MAP4K1: variants seen among roughly 807,000 people sequenced by gnomAD.
MAP4K1 encodes mitogen-activated protein kinase kinase kinase kinase 1, also known as MAPK/ERK kinase kinase kinase 1.
MAP4K1 carries 35 observed loss-of-function variants against 122.8 expected under a neutral mutation model. That is an observed-to-expected ratio of 0.29 (90% CI 0.22 to 0.38). The LOEUF is 0.38. MAP4K1 is among the 10% of genes least tolerant of loss of function. MAP4K1 has a pLI of 1.00. For missense variants in MAP4K1, 791 were observed against 1,072.6 expected (o/e 0.74, Z 3.67); for synonymous variants, 412 against 421.3 (o/e 0.98, Z 0.27).
intron 16 of MAP4K1, 68 bp downstream of exon 16, chr19:38,607,796 A>G (rs1193417330): frequency 5.2e-6 from 8 of 1,547,338 alleles, no homozygotes; most frequent in Non-Finnish European, 1.8e-6. Flanking sequence ...GAAAGGCCAC[A>G]TCAGGGGATT....
intron 27 of MAP4K1, 47 bp from the exon 28 acceptor site, chr19:38,595,776 G>A (rs771351612): frequency 1.2e-4 from 189 of 1,518,560 alleles, no homozygotes; most frequent in Non-Finnish European, 1.6e-4. Flanking sequence ...AGGCTTAGAG[G>A]GTTACTAAGG....
chr19:38,607,009 G>T (rs1244379436), intron 16 of MAP4K1, among the ~76,000 whole-genome samples: 1 of 152,142 alleles, frequency 6.6e-6, no homozygotes, highest in Non-Finnish European at 1.5e-5. Flanking sequence ...AGGTGCCAAG[G>T]TTCAGCCTGA....
intron 16 of MAP4K1, among the ~76,000 whole-genome samples, chr19:38,606,549 A>C (rs1975335240): frequency 6.6e-6 from 1 of 152,114 alleles, no homozygotes; most frequent in Non-Finnish European, 1.5e-5. Context: ...GCAGCTACTC[A>C]GGAGGCTGAG....
intron 22 of MAP4K1, among the ~76,000 whole-genome samples, chr19:38,598,685 G>A (rs539546235): frequency 6.6e-6 from 1 of 152,108 alleles, no homozygotes; most frequent in Non-Finnish European, 1.5e-5. Context: ...TATGGAATAA[G>A]TTCTGATTGT....
chr19:38,605,213 G>T (rs1470424942), intron 19 of MAP4K1, among the ~76,000 whole-genome samples, 196 bp downstream of exon 19: 1 of 152,006 alleles, frequency 6.6e-6, no homozygotes, highest in Non-Finnish European at 1.5e-5. Flanking sequence ...TGAAATGGGG[G>T]ATAACATCTC....
chr19:38,595,249 A>G (rs1974838095), intron 29 of MAP4K1, among the ~76,000 whole-genome samples: 1 of 152,126 alleles, frequency 6.6e-6, no homozygotes, highest in Non-Finnish European at 1.5e-5. Flanking sequence ...GGATCGCACC[A>G]CTGCACTCCA....
chr19:38,598,326 C>T (rs1043734402), intron 22 of MAP4K1, among the ~76,000 whole-genome samples: 1 of 151,174 alleles, frequency 6.6e-6, no homozygotes, highest in Non-Finnish European at 1.5e-5. Context: ...CCACCGCACC[C>T]GGCCTATTTA....
chr19:38,616,103 T>C, intron 4 of MAP4K1, 92 bp downstream of exon 4: 1 of 863,620 alleles, frequency 1.2e-6, no homozygotes, highest in Non-Finnish European at 1.8e-6. Flanking sequence ...TCCTGTGAGA[T>C]ACACACACAG....
At chr19:38,613,838 G>C in intron 8 of MAP4K1, 42 bp downstream of exon 8, 1 of 1,512,522 alleles carries the variant, frequency 6.6e-7, no homozygotes, top group Non-Finnish European at 9.0e-7. Context: ...AAAAACCACT[G>C]ACCCCCACTC....
chr19:38,590,777 C>T (rs1300031914), intron 30 of MAP4K1, among the ~76,000 whole-genome samples: 1 of 151,824 alleles, frequency 6.6e-6, no homozygotes, highest in Non-Finnish European at 1.5e-5. Flanking sequence ...ACCTGGCCAA[C>T]TGGTGAAATT....
chr19:38,601,504 A>G lies in MAP4K1; in HGVS notation c.1468T>C (p.Leu490=), dbSNP rs199685763. 1.5e-5 allele frequency: 24 copies of G among 1,608,636 alleles called. No individual in the cohort carries two copies. In the East Asian group the frequency reaches 4.7e-4, roughly 31 times the overall value. The change falls in exon 20 of 31, where the codon TTG becomes CTG. Residue 490 remains leucine, a synonymous_variant. Transcript: ENST00000396857. ...ATCCGGAGGGGGCAGCCATTGAACA[A>G]CTTTACGAGAAGGGCACATCCCTGG... The part of the protein sequence containing the change: ...KRKGCALLVK[L]FNGCPLRIHS...
intron 19 of MAP4K1, among the ~76,000 whole-genome samples, chr19:38,603,373 CATAT>C (rs1384044671): frequency 6.6e-6 from 1 of 150,476 alleles, no homozygotes; most frequent in Non-Finnish European, 1.5e-5. Context: ...CACACATATA[CATAT>C]ATACACATGT....
intron 19 of MAP4K1, among the ~76,000 whole-genome samples, chr19:38,603,273 TAC>T (rs1419984798): frequency 6.8e-6 from 1 of 146,892 alleles, no homozygotes; most frequent in Non-Finnish European, 1.5e-5. Context: ...TATACATATA[TAC>T]ACATACATAT....
chr19:38,602,785 CATAT>C (rs1004316699), intron 19 of MAP4K1, among the ~76,000 whole-genome samples: 1 of 140,066 alleles, frequency 7.1e-6, no homozygotes, highest in Non-Finnish European at 1.5e-5. Flanking sequence ...TACACATATA[CATAT>C]ATACACACAT....
At chr19:38,599,572 G>C (rs1488940155) in intron 22 of MAP4K1, among the ~76,000 whole-genome samples, 1 of 152,022 alleles carries the variant, frequency 6.6e-6, no homozygotes, top group Non-Finnish European at 1.5e-5. Flanking sequence ...TGAGGCATGA[G>C]AATCACTTGA....
intron 30 of MAP4K1, among the ~76,000 whole-genome samples, chr19:38,592,917 C>CAATA (rs144296421): frequency 0.012 from 1,867 of 151,244 alleles, 27 homozygotes; most frequent in African/African-American, 0.032. Context: ...AACTCCATCT[C>CAATA]AATAAATAAA....
chr19:38,605,498 G>A lies in MAP4K1; in HGVS notation c.1364-7C>T. ...GGGTTCCAGAGTGAGGGTTCTGAGA[G>A]GGGTTAGGAGAAAATCAGCCCCCAA... On this transcript the variant is annotated splice_region_variant and splice_polypyrimidine_tract_variant and intron_variant, in intron 18 of 30. Transcript: ENST00000396857. 1.3e-6 allele frequency: 2 copies of A among 1,573,368 alleles called. No homozygotes were observed. Among genetic ancestry groups the A allele is most frequent in the Non-Finnish European group, 1.7e-6 (2 of 1,161,394 alleles).
At chr19:38,590,472 T>G (rs115576267) in intron 30 of MAP4K1, among the ~76,000 whole-genome samples, 7,837 of 138,286 alleles carry the variant, frequency 0.057, 527 homozygotes, top group East Asian at 0.24. Context: ...GGTGAAATTT[T>G]TTGTTGTTGT....
intron 9 of MAP4K1, 102 bp downstream of exon 9, chr19:38,612,509 C>T (rs1975527729): frequency 8.8e-7 from 1 of 1,134,830 alleles, no homozygotes; most frequent in Non-Finnish European, 1.2e-6. Context: ...AAGTGGTGAT[C>T]CCTGAATTGG....
Sources: gnomAD v4.1 joint callset for allele counts (sites outside exome capture counted in the v4.1 genomes callset) on GRCh38, gnomAD v4.1.1 for gene constraint, MANE v1.5 for transcripts, NCBI Gene and HGNC (gene_info 2026-07-23, HGNC 2026-07-21) for gene names.